Variants in P2RY8 observed in about 807,000 individuals in gnomAD.
The protein encoded by P2RY8 is S-geranylgeranyl-glutathione receptor P2RY8.
P2RY8 carries 6 observed loss-of-function variants against 10.0 expected under a neutral mutation model. The observed-to-expected ratio is 0.60, with a 90% CI of 0.33 to 1.19. The LOEUF is 1.19. Among genes scored for constraint, P2RY8 ranks in the 50% most tolerant of loss-of-function variants. The pLI is 0.04. For missense variants in P2RY8, 456 were observed against 542.0 expected (o/e 0.84, Z 1.58); for synonymous variants, 276 against 252.5 (o/e 1.09, Z -0.88).
intron 1 of P2RY8, among the ~76,000 whole-genome samples, chrX:1,494,600 A>T (rs767339698): frequency 3.3e-5 from 5 of 152,166 alleles, no homozygotes; most frequent in Middle Eastern, 3.4e-3. Context: ...TTAGTTTAGG[A>T]TTAGAAAATG....
At chrX:1,532,350 T>C (rs1284529651) in intron 1 of P2RY8, among the ~76,000 whole-genome samples, 2 of 150,870 alleles carry the variant, frequency 1.3e-5, no homozygotes, top group African/African-American at 4.9e-5. Flanking sequence ...ATGTATATGA[T>C]GTGTATATAT....
intron 1 of P2RY8, among the ~76,000 whole-genome samples, chrX:1,532,318 A>G (rs1444293527): frequency 3.9e-5 from 1 of 25,884 alleles, no homozygotes; most frequent in East Asian, 2.1e-3. Context: ...ATATATATAC[A>G]CACACGTATA....
At chrX:1,505,662 C>G (rs1388326226) in intron 1 of P2RY8, among the ~76,000 whole-genome samples, 1 of 151,980 alleles carries the variant, frequency 6.6e-6, no homozygotes, top group African/African-American at 2.4e-5. Context: ...TGGTGGCGGG[C>G]GCCTGTCATC....
intron 1 of P2RY8, among the ~76,000 whole-genome samples, chrX:1,492,110 C>A (rs1191551191): frequency 6.6e-6 from 1 of 152,132 alleles, no homozygotes. Context: ...GTGTGGTTCT[C>A]CAGGACTGCC....
intron 1 of P2RY8, among the ~76,000 whole-genome samples, chrX:1,468,701 C>T (rs1277834295): frequency 3.3e-5 from 5 of 150,604 alleles, no homozygotes; most frequent in Non-Finnish European, 5.9e-5. Context: ...CAGGTGGGCG[C>T]TCAGGGGCTG....
intron 1 of P2RY8, among the ~76,000 whole-genome samples, chrX:1,487,997 C>CA (rs2092002126): frequency 6.6e-6 from 1 of 152,032 alleles, no homozygotes; most frequent in Non-Finnish European, 1.5e-5. Context: ...GTAATCCCAG[C>CA]AACTTGGGAG....
chrX:1,531,290 C>T (rs369088069), intron 1 of P2RY8, among the ~76,000 whole-genome samples: 1 of 152,098 alleles, frequency 6.6e-6, no homozygotes. Flanking sequence ...ACAGGGAATT[C>T]CCCCGCCCCA....
intron 1 of P2RY8, among the ~76,000 whole-genome samples, chrX:1,504,042 A>G (rs1294009343): frequency 2.0e-5 from 3 of 149,368 alleles, no homozygotes; most frequent in Admixed American, 6.7e-5. Flanking sequence ...ATTCTGCTGG[A>G]CGTGGTGGCT....
intron 1 of P2RY8, among the ~76,000 whole-genome samples, chrX:1,535,184 C>CTTTTT (rs539683722): frequency 0.079 from 6,369 of 80,506 alleles, 777 homozygotes; most frequent in Middle Eastern, 0.11. Context: ...GGGATAATTC[C>CTTTTT]TTTTTTTTTT....
intron 1 of P2RY8, among the ~76,000 whole-genome samples, chrX:1,515,950 G>GTT (rs1258600564): frequency 1.1e-5 from 1 of 88,816 alleles, no homozygotes; most frequent in Non-Finnish European, 2.8e-5. Context: ...GAGGGGTCGG[G>GTT]GGGTGGTGGA....
chrX:1,464,813 C>T lies in P2RY8; in HGVS notation c.*666G>A, dbSNP rs1158323841. 8 of 233,356 alleles carry T rather than the reference C, an allele frequency of 3.4e-5. No homozygotes were observed. The highest frequency in any genetic ancestry group is 6.6e-5 in the African/African-American group (3 of 45,256). 14.5% of individuals were successfully genotyped at this position (233,356 alleles called of 1,614,324 possible). The stretch of plus-strand genomic sequence containing the variant: ...GTGTGTGTGTGGGGGGAAGTGGGCA[C>T]GGAGAGTAGCTGACTTGCAGGAGCC... On this transcript the variant is annotated 3_prime_UTR_variant, in exon 2 of 2. Transcript: ENST00000381297.
chrX:1,524,409 G>GCATACATC (rs1309158911), intron 1 of P2RY8, among the ~76,000 whole-genome samples: 1 of 109,786 alleles, frequency 9.1e-6, no homozygotes, highest in African/African-American at 3.7e-5. Context: ...ATCCATGCAT[G>GCATACATC]CATCCATCCA....
chrX:1,515,438 C>G (rs2092339112), intron 1 of P2RY8, among the ~76,000 whole-genome samples: 2 of 150,018 alleles, frequency 1.3e-5, no homozygotes, highest in East Asian at 3.9e-4. Context: ...ATGGCACAAT[C>G]TCTGCTCACC....
chrX:1,530,273 CT>C (rs1204882159), intron 1 of P2RY8, among the ~76,000 whole-genome samples: 2 of 113,702 alleles, frequency 1.8e-5, no homozygotes, highest in Non-Finnish European at 4.0e-5. Flanking sequence ...TCACCATTAT[CT>C]ATCTATCTAT....
chrX:1,514,073 G>A (rs1384586263), intron 1 of P2RY8, among the ~76,000 whole-genome samples: 2 of 152,152 alleles, frequency 1.3e-5, no homozygotes, highest in Non-Finnish European at 2.9e-5. Flanking sequence ...TACACATAGC[G>A]TTAACAACTT....
intron 1 of P2RY8, among the ~76,000 whole-genome samples, chrX:1,509,880 TTCTA>T (rs1333668129): frequency 2.0e-4 from 31 of 152,008 alleles, no homozygotes; most frequent in East Asian, 3.9e-4. Flanking sequence ...TATCTATCCA[TTCTA>T]TCTATCTATG....
At chrX:1,468,634 G>C (rs1302931131) in intron 1 of P2RY8, among the ~76,000 whole-genome samples, 3 of 151,908 alleles carry the variant, frequency 2.0e-5, no homozygotes, top group Non-Finnish European at 4.4e-5. Context: ...CTGGCCTGCA[G>C]AGGTGGCTGT....
chrX:1,533,857 T>C (rs1235033076), intron 1 of P2RY8, among the ~76,000 whole-genome samples: 2 of 122,694 alleles, frequency 1.6e-5, no homozygotes, highest in African/African-American at 6.5e-5. Context: ...ATATATTATG[T>C]ATTTATATAT....
intron 1 of P2RY8, among the ~76,000 whole-genome samples, chrX:1,481,907 G>A (rs2091939470): frequency 6.6e-6 from 1 of 152,112 alleles, no homozygotes; most frequent in Non-Finnish European, 1.5e-5. Context: ...GAGCTCTGCC[G>A]CTGTGTGTTG....
Sources: allele counts gnomAD v4.1 joint callset (sites outside exome capture counted in the v4.1 genomes callset), GRCh38; gene constraint gnomAD v4.1.1; transcripts MANE v1.5; gene names NCBI Gene and HGNC (gene_info 2026-07-23, HGNC 2026-07-21).